The following CEP250 variants were observed in gnomAD, a reference collection of about 807,000 sequenced individuals.
CEP250 encodes centrosomal protein 250, also known as centrosome-associated protein CEP250.
CEP250 carries 242 observed loss-of-function variants against 315.7 expected under a neutral mutation model. That is an observed-to-expected ratio of 0.77 (90% CI 0.69 to 0.85). CEP250 has a LOEUF of 0.85. Ranked by LOEUF, CEP250 falls within the 40% of genes least tolerant of loss-of-function variation. The probability of loss-of-function intolerance (pLI) is 0.00; values close to 1 mark genes in which losing one functional copy is unlikely to be tolerated. For missense variants in CEP250, 2,515 were observed against 2,886.4 expected, an observed-to-expected ratio of 0.87 and a Z score of 2.95; for synonymous variants, 1,088 against 1,175.0, an observed-to-expected ratio of 0.93 and a Z score of 1.51.
At position 35,503,468 on chromosome 20, in the gene CEP250, C is replaced by G. The variant is rs2064079783; in HGVS notation, c.5099C>G (p.Thr1700Ser). 1.9e-6 allele frequency: 3 copies of G among 1,614,040 alleles called. No individual in the cohort carries two copies. In the East Asian group the frequency reaches 6.7e-5, roughly 36 times the overall value. ...TTGAGAGAGCGAGGCCGGGAGCTGA[C>G]CACTCAGAGGCAGCTGATGCAGGAA... ...LSLRERGREL[T>S]TQRQLMQERA... Residue 1700 changes from threonine to serine, a missense_variant, in exon 30 of 35, where the codon ACC (threonine) becomes AGC (serine). By Grantham distance (58) the Thr-to-Ser change is moderately conservative. Coordinates refer to ENST00000397527, the MANE Select transcript of CEP250 (RefSeq NM_007186.6). The surrounding 1 kb of genome is among the most constrained non-coding windows in gnomAD (Gnocchi z 4.2).
At chr20:35,473,835 A>T (rs749711195) in intron 13 of CEP250, 35 bp from the exon 14 acceptor site, 1 of 1,573,764 alleles carries the variant, frequency 6.4e-7, no homozygotes, top group South Asian at 1.2e-5. Flanking sequence ...TTTAGGTCCT[A>T]TGGTCTCTGC....
rs905696065 is a variant in CEP250, at chr20:35,488,673, A to C, written c.2587-1964A>C. Among the ~76,000 whole-genome samples, 9 of 152,220 alleles carry C rather than the reference A, an allele frequency of 5.9e-5. No homozygotes were observed. In the East Asian group the frequency reaches 1.7e-3, roughly 29 times the overall value. ...GATAAGGGGTTTCACCATGTTGCCT[A>C]GGCTGGTCTCAAACTCTTGGGCTCA... On this transcript the variant is annotated intron_variant, in intron 20 of 34. Transcript: ENST00000397527.
At position 35,480,115 on chromosome 20, in the gene CEP250, G is replaced by A; in HGVS notation, c.2556G>A (p.Glu852=). The change falls in exon 20 of 35, where the codon GAG becomes GAA. Residue 852 remains glutamate (E), a synonymous_variant. Transcript: ENST00000397527. ...TALEQQKAAH[E]KEVNQLREKW... is the part of the protein sequence containing the mutation. Reference sequence around the variant, plus strand: ...TGGAGCAGCAGAAGGCAGCCCATGAGAAAGAGGTGAACCAGCTCCGGGAGA... The same window carrying A: ...TGGAGCAGCAGAAGGCAGCCCATGAAAAAGAGGTGAACCAGCTCCGGGAGA... 6.2e-7 allele frequency: 1 copy of A among 1,612,402 alleles called. No individual in the cohort carries two copies. The highest frequency in any genetic ancestry group is 8.5e-7 in the Non-Finnish European group (1 of 1,179,986).
chr20:35,512,151 G>C lies in CEP250; in HGVS notation c.*525G>C, dbSNP rs1317327470. 1.9e-6 allele frequency: 1 copy of C among 535,160 alleles called. No homozygotes were observed. The highest frequency in any genetic ancestry group is 8.0e-5 in the South Asian group (1 of 12,574). 33.2% of individuals were successfully genotyped at this position (535,160 alleles called of 1,614,324 possible). A position where few individuals can be genotyped will look rare whatever the true frequency, so the allele number is the denominator to read the frequency against. ...AAGACAAAGCCCCTGTCCACAGACA[G>C]CCTACAGTCCAGTTGATGAGAACAG... On this transcript the variant is annotated 3_prime_UTR_variant, in exon 35 of 35. Transcript: ENST00000397527.
In CEP250 at chr20:35,473,450, A is replaced by G. The variant is rs2063077514; in HGVS notation, c.1286A>G (p.Glu429Gly). 1 of 1,614,180 alleles carries G rather than the reference A, an allele frequency of 6.2e-7. No individual in the cohort carries two copies. Among genetic ancestry groups the G allele is most frequent in the Non-Finnish European group, 8.5e-7 (1 of 1,180,024 alleles). The change falls in exon 13 of 35, where the codon GAG becomes GGG. Residue 429 changes from glutamate (E) to glycine (G), a missense_variant. By Grantham distance (98) the Glu-to-Gly change is moderately conservative (BLOSUM62 -2). Transcript: ENST00000397527. ...LQQQHDQWEE[E>G]GKALRQRLQK... ...CAGCAGCATGATCAGTGGGAGGAAG[A>G]GGGCAAAGCCTTGAGACAGCGGCTG... is the stretch of plus-strand genomic sequence containing the variant.
intron 20 of CEP250, among the ~76,000 whole-genome samples, chr20:35,481,519 T>C (rs2063342154): frequency 6.6e-6 from 1 of 152,214 alleles, no homozygotes; most frequent in South Asian, 2.1e-4. Flanking sequence ...CAAATTATGA[T>C]TTTTTTATTG....
chr20:35,502,531 C>T lies in CEP250; in HGVS notation c.4162C>T (p.Leu1388=), dbSNP rs1426294593. 3 of 1,614,118 alleles carry T rather than the reference C, an allele frequency of 1.9e-6. No homozygotes were observed. The Admixed American group carries it at 5.0e-5, about 27-fold the overall frequency. ...EEDLRTARSA[L]KLKNEEVESE... is the part of the protein sequence containing the mutation. ...AGACCTGAGAACGGCTCGCTCAGCACTGAAGCTGAAAAATGAGGAAGTAGA... is the reference window on the plus strand; with the variant it reads ...AGACCTGAGAACGGCTCGCTCAGCATTGAAGCTGAAAAATGAGGAAGTAGA... The change falls in exon 30 of 35, where the codon CTG becomes TTG. Residue 1388 remains leucine, a synonymous_variant. Transcript: ENST00000397527.
intron 17 of CEP250, 51 bp from the exon 18 acceptor site, chr20:35,479,180 C>T: frequency 6.4e-7 from 1 of 1,566,696 alleles, no homozygotes; most frequent in Non-Finnish European, 8.7e-7. Context: ...TGGTAGCGGC[C>T]CCAGGGGAAT....
intron 6 of CEP250, 46 bp downstream of exon 6, chr20:35,465,871 G>A (rs1178118951): frequency 1.3e-6 from 2 of 1,558,586 alleles, no homozygotes; most frequent in African/African-American, 2.7e-5. Context: ...GCCAGTTGGT[G>A]GAGAAGGCTG....
At chr20:35,462,163 T>A in intron 3 of CEP250, 102 bp from the exon 4 acceptor site, 3 of 462,222 alleles carry the variant, frequency 6.5e-6, no homozygotes, top group Non-Finnish European at 1.2e-5. Flanking sequence ...CATAGCGCCC[T>A]TCAGAGATGA....
At chr20:35,485,548 T>A (rs1417013983) in intron 20 of CEP250, among the ~76,000 whole-genome samples, 1 of 148,900 alleles carries the variant, frequency 6.7e-6, no homozygotes, top group African/African-American at 2.5e-5. Context: ...TAGAGTATAG[T>A]GGCACAATCA....
chr20:35,467,943 CT>C (rs10649518), intron 9 of CEP250, among the ~76,000 whole-genome samples: 1,200 of 117,920 alleles, frequency 0.01, 4 homozygotes, highest in African/African-American at 0.025. Context: ...AATATTACCT[CT>C]TTTTTTTTTT....
upstream of CEP250, chr20:35,455,581 A>T (rs761356024): frequency 4.6e-5 from 7 of 151,712 alleles, no homozygotes; most frequent in Non-Finnish European, 8.8e-5. Context: ...ATTTGCACGT[A>T]ATCTATCCGA....
Position 35,511,933 on chromosome 20 carries a change from C to G in CEP250, c.*307C>G. On this transcript the variant is annotated 3_prime_UTR_variant, in exon 35 of 35. Transcript: ENST00000397527. ...TTTCCTAGCACTTCACCACCTCCTTCATCTTCTCCTTCAACAATAAACCCT... is the reference window on the plus strand; with the variant it reads ...TTTCCTAGCACTTCACCACCTCCTTGATCTTCTCCTTCAACAATAAACCCT... 13 of 1,163,604 alleles carry G rather than the reference C, an allele frequency of 1.1e-5. No individual in the cohort carries two copies. The highest frequency in any genetic ancestry group is 1.4e-5 in the Non-Finnish European group (13 of 943,454). 72.1% of individuals were successfully genotyped at this position (1,163,604 alleles called of 1,614,324 possible). A position where few individuals can be genotyped will look rare whatever the true frequency, so the allele number is the denominator to read the frequency against.
chr20:35,465,897 C>T, intron 6 of CEP250, 72 bp downstream of exon 6: 2 of 1,526,832 alleles, frequency 1.3e-6, no homozygotes, highest in South Asian at 1.2e-5. Flanking sequence ...AAACTTCTGC[C>T]CTGAGGGCTA....
chr20:35,484,671 A>G (rs2063454221), intron 20 of CEP250, among the ~76,000 whole-genome samples: 1 of 148,370 alleles, frequency 6.7e-6, no homozygotes, highest in Non-Finnish European at 1.5e-5. Flanking sequence ...CTGATCTTGA[A>G]CTCCTGGGCT....
At chr20:35,466,916 A>C in intron 7 of CEP250, 50 bp from the exon 8 acceptor site, 1 of 1,228,206 alleles carries the variant, frequency 8.1e-7, no homozygotes, top group Non-Finnish European at 1.2e-6. Flanking sequence ...TTGTGTTGGC[A>C]AAAGATAGCC....
In CEP250 at chr20:35,515,413, T is replaced by C. The variant is rs1319458340; in HGVS notation, c.*3787T>C. On this transcript the variant is annotated 3_prime_UTR_variant, in exon 35 of 35. Transcript: ENST00000397527. ...CTGATCAAACCAGGCAGACACACCA[T>C]GCTGGTGAAGGCAGGCTTTGTAGAT... 6.6e-6 allele frequency: 1 copy of C among 152,260 alleles called. No individual in the cohort carries two copies. Among genetic ancestry groups the C allele is most frequent in the East Asian group, 1.9e-4 (1 of 5,196 alleles). The allele number at this position is 152,260 out of a possible 1,614,324, so 9.4% of individuals were successfully genotyped here.
intron 22 of CEP250, among the ~76,000 whole-genome samples, chr20:35,492,671 G>T (rs1164481580): frequency 6.6e-6 from 1 of 152,212 alleles, no homozygotes; most frequent in African/African-American, 2.4e-5. Flanking sequence ...CCCTGTGTCA[G>T]CCATTGTAGG....
Sources: allele counts gnomAD v4.1 joint callset (sites outside exome capture counted in the v4.1 genomes callset), GRCh38; gene constraint gnomAD v4.1.1; non-coding constraint Gnocchi (gnomAD v3.1); transcripts MANE v1.5; gene names NCBI Gene and HGNC (gene_info 2026-07-23, HGNC 2026-07-21).